The following HHLA1 variants were observed in gnomAD, a reference collection of about 807,000 sequenced individuals.
HHLA1 encodes HERV-H LTR-associating protein 1.
In HHLA1, 72 loss-of-function variants were observed where a neutral mutation model predicts 69.9. That is an observed-to-expected ratio of 1.03 (90% CI 0.85 to 1.25). HHLA1 has a LOEUF of 1.25. Among genes scored for constraint, HHLA1 ranks in the 50% most tolerant of loss-of-function variants. The probability of loss-of-function intolerance (pLI) is 0.00; values close to 1 mark genes in which losing one functional copy is unlikely to be tolerated. For missense variants in HHLA1, 685 were observed against 642.2 expected (o/e 1.07, Z -0.72); for synonymous variants, 252 against 233.2 (o/e 1.08, Z -0.73).
chr8:132,092,326 G>C (rs1398616949), intron 7 of HHLA1, among the ~76,000 whole-genome samples: 1 of 152,212 alleles, frequency 6.6e-6, no homozygotes, highest in East Asian at 1.9e-4. Flanking sequence ...GGATGTAAGA[G>C]GGAGAAATGT....
At chr8:132,097,884 T>A (rs1360960990) in intron 5 of HHLA1, among the ~76,000 whole-genome samples, 5 of 152,164 alleles carry the variant, frequency 3.3e-5, no homozygotes, top group Non-Finnish European at 5.9e-5. Flanking sequence ...AGTTGTGCAG[T>A]GTGTGTATTG....
In HHLA1 at chr8:132,071,393, GA is replaced by G. The variant is rs1823539762; in HGVS notation, c.1415del (p.Phe472SerfsTer8). 1 of 1,551,598 alleles carries G rather than the reference GA, an allele frequency of 6.4e-7. No individual in the cohort carries two copies. Among genetic ancestry groups the G allele is most frequent in the East Asian group, 2.4e-5 (1 of 40,938 alleles). On this transcript the variant is annotated frameshift_variant, in exon 15 of 17. Coordinates refer to ENST00000414222, the MANE Select transcript of HHLA1 (RefSeq NM_001145095.3). LOFTEE classifies it high-confidence loss of function. ...GGCTCATGCAGAGGCATTGCTGGAAGAATTGGCACAGCTCCATCAGGCATGG... is the reference window on the plus strand; with the variant it reads ...GGCTCATGCAGAGGCATTGCTGGAAGATTGGCACAGCTCCATCAGGCATGG... ...LNPCLMELCQ[F>X]FQQCLCMSQR...
chr8:132,073,108 T>A (rs1158691449), intron 14 of HHLA1, among the ~76,000 whole-genome samples: 1 of 152,172 alleles, frequency 6.6e-6, no homozygotes. Context: ...GTTTGAACAT[T>A]TTTCAAAATT....
chr8:132,095,756 A>C lies in HHLA1; in HGVS notation c.311T>G (p.Val104Gly). 1.9e-6 allele frequency: 3 copies of C among 1,551,312 alleles called. No homozygotes were observed. The highest frequency in any genetic ancestry group is 2.6e-6 in the Non-Finnish European group (3 of 1,146,802). ...DSKKFFSLLS[V>G]TSYSSFAFHK... ...GAAGGCGAAGGAACTGTAGGAAGTGACACTCAGCAAGGAGAAGAACTTCTT... is the reference window on the plus strand; with the variant it reads ...GAAGGCGAAGGAACTGTAGGAAGTGCCACTCAGCAAGGAGAAGAACTTCTT... The change falls in exon 6 of 17, where the codon GTC becomes GGC. Residue 104 changes from valine (V) to glycine (G), a missense_variant. Coordinates refer to ENST00000414222, the MANE Select transcript of HHLA1 (RefSeq NM_001145095.3).
intron 1 of HHLA1, among the ~76,000 whole-genome samples, chr8:132,110,233 G>A (rs868566737): frequency 1.3e-5 from 2 of 152,166 alleles, no homozygotes; most frequent in South Asian, 4.1e-4. Context: ...CACAGTGAGT[G>A]ACACATGTTC....
rs1823393598 is a variant in HHLA1 at position 132,063,958 on chromosome 8, G to C, written c.*37C>G. On this transcript the variant is annotated 3_prime_UTR_variant, in exon 17 of 17. Coordinates refer to ENST00000414222, the MANE Select transcript of HHLA1 (RefSeq NM_001145095.3). ...AGCCAGGGTGGATGGCGTATCCCCT[G>C]AAGTAATTGTTATGCCCTAGTGTTA... The C allele has an allele frequency of 8.2e-7, 1 of 1,224,724 alleles. No homozygotes were observed. The highest frequency in any genetic ancestry group is 1.6e-5 in the African/African-American group (1 of 64,366). 75.9% of individuals were successfully genotyped at this position (1,224,724 alleles called of 1,614,324 possible).
rs1049422814 is a variant in HHLA1, at chr8:132,098,829, A to T, written c.280+53T>A. The stretch of plus-strand genomic sequence containing the variant: ...GGCAACAGAAAGGTTCAGAAAAGAC[A>T]CTGGTACAAGAAAAAAAAATGGACC... On this transcript the variant is annotated intron_variant, in intron 5 of 16. Transcript: ENST00000414222. 2.2e-5 allele frequency: 25 copies of T among 1,151,930 alleles called. No individual in the cohort carries two copies. The Admixed American group carries it at 5.3e-4, about 24-fold the overall frequency. The allele number at this position is 1,151,930 out of a possible 1,614,324, so 71.4% of individuals were successfully genotyped here.
In HHLA1 at chr8:132,079,967, C is replaced by T; in HGVS notation, c.677-1G>A. 1 of 1,552,222 alleles carries T rather than the reference C, an allele frequency of 6.4e-7. No individual in the cohort carries two copies. Among genetic ancestry groups the T allele is most frequent in the Non-Finnish European group, 8.7e-7 (1 of 1,147,122 alleles). On this transcript the variant is annotated splice_acceptor_variant, in intron 10 of 16. Coordinates refer to ENST00000414222, the MANE Select transcript of HHLA1 (RefSeq NM_001145095.3). LOFTEE classifies it high-confidence loss of function. ...CTGGCAGTTCCCCTGGTAGCTGCAC[C>T]TTCAGGGAGGCAGTCAATGGTAACA...
intron 1 of HHLA1, among the ~76,000 whole-genome samples, chr8:132,109,721 C>T (rs892368746): frequency 3.3e-5 from 5 of 152,214 alleles, no homozygotes; most frequent in Admixed American, 6.5e-5. Context: ...ACCATGGTCT[C>T]TCAGATACTA....
At chr8:132,083,671 G>A (rs1467768062) in intron 10 of HHLA1, among the ~76,000 whole-genome samples, 1 of 152,192 alleles carries the variant, frequency 6.6e-6, no homozygotes, top group Non-Finnish European at 1.5e-5. Context: ...GGCATTCCTT[G>A]GCCCAGTGGC....
rs1823390329 is a variant in HHLA1, at chr8:132,063,712, G to A, written c.*283C>T. 1.7e-5 allele frequency: 3 copies of A among 177,804 alleles called. No individual in the cohort carries two copies. The allele number at this position is 177,804 out of a possible 1,614,324, so 11.0% of individuals were successfully genotyped here. On this transcript the variant is annotated 3_prime_UTR_variant, in exon 17 of 17. Transcript: ENST00000414222. Reference sequence around the variant, plus strand: ...CTCAAGCATTGTAGGAGTTTCTTGAGCATGAACACTAGATTTCCATGATTT... The same window carrying A: ...CTCAAGCATTGTAGGAGTTTCTTGAACATGAACACTAGATTTCCATGATTT...
Position 132,070,004 on chromosome 8 carries a change from G to A in HHLA1, c.1469+1336C>T, listed in dbSNP as rs550370222. 3.9e-3 allele frequency: 279 copies of A among 72,112 alleles called. 2 individuals are homozygous for A. Among genetic ancestry groups the A allele is most frequent in the Non-Finnish European group, 7.5e-3 (208 of 27,744 alleles). 4.5% of individuals were successfully genotyped at this position (72,112 alleles called of 1,614,324 possible). A position where few individuals can be genotyped will look rare whatever the true frequency, so the allele number is the denominator to read the frequency against. ...CCCTCTATGAATGGAGGAAATGTTC[G>A]TACTGACGGGGGGGGGGGGGAGGGG... On this transcript the variant is annotated intron_variant, in intron 15 of 16. Transcript: ENST00000414222.
intron 11 of HHLA1, among the ~76,000 whole-genome samples, chr8:132,078,555 G>C (rs2130882670): frequency 6.6e-6 from 1 of 152,274 alleles, no homozygotes; most frequent in South Asian, 2.1e-4. Context: ...AGTCATCCTT[G>C]TTTCCTTGCC....
intron 11 of HHLA1, 80 bp downstream of exon 11, chr8:132,079,638 A>T (rs1013756239): frequency 7.1e-7 from 1 of 1,411,334 alleles, no homozygotes; most frequent in Non-Finnish European, 9.4e-7. Flanking sequence ...TAAGGTAAGG[A>T]TTTTGCTTAT....
intron 2 of HHLA1, among the ~76,000 whole-genome samples, chr8:132,104,534 CT>C (rs1824172434): frequency 6.6e-6 from 1 of 152,074 alleles, no homozygotes. Context: ...TTGAGCTGAG[CT>C]CTGAAGAATG....
intron 3 of HHLA1, among the ~76,000 whole-genome samples, chr8:132,101,824 G>A (rs943770447): frequency 5.3e-5 from 8 of 152,050 alleles, no homozygotes; most frequent in Admixed American, 2.0e-4. Flanking sequence ...TGCCTGCCTC[G>A]GCTTCCCAAA....
rs1290996063 is a variant in HHLA1, at chr8:132,062,810, A to G, written c.*1185T>C. ...TGAGCTCAAATCCTGCACCTTTCAG[A>G]GGAACATCTGGTCCTTGACCAGCTC... On this transcript the variant is annotated 3_prime_UTR_variant, in exon 17 of 17. Coordinates refer to ENST00000414222, the MANE Select transcript of HHLA1 (RefSeq NM_001145095.3). The G allele has an allele frequency of 7.2e-5, 11 of 152,258 alleles. No homozygotes were observed. The highest frequency in any genetic ancestry group is 7.2e-4 in the Admixed American group (11 of 15,290). 9.4% of individuals were successfully genotyped at this position (152,258 alleles called of 1,614,324 possible). A position where few individuals can be genotyped will look rare whatever the true frequency, so the allele number is the denominator to read the frequency against.
rs1190012558 is a variant in HHLA1, at chr8:132,061,744, C to T, written c.*2251G>A. The T allele has an allele frequency of 6.6e-5, 10 of 152,158 alleles. No individual in the cohort carries two copies. The highest frequency in any genetic ancestry group is 6.5e-4 in the Admixed American group (10 of 15,284). The allele number at this position is 152,158 out of a possible 1,614,324, so 9.4% of individuals were successfully genotyped here. Reference sequence around the variant, plus strand: ...TATGAACTCCAGGAGACCAGTTGGACTCCAGGCAGTCGTCAGCCACTCCTG... The same window carrying T: ...TATGAACTCCAGGAGACCAGTTGGATTCCAGGCAGTCGTCAGCCACTCCTG... On this transcript the variant is annotated 3_prime_UTR_variant, in exon 17 of 17. Coordinates refer to ENST00000414222, the MANE Select transcript of HHLA1 (RefSeq NM_001145095.3).
At chr8:132,065,504 G>C (rs562128521) in intron 16 of HHLA1, among the ~76,000 whole-genome samples, 1 of 152,134 alleles carries the variant, frequency 6.6e-6, no homozygotes, top group Non-Finnish European at 1.5e-5. Context: ...GGATGGTCTC[G>C]ATCTCCTGAC....
Sources: gnomAD v4.1 joint callset for allele counts (sites outside exome capture counted in the v4.1 genomes callset) on GRCh38, gnomAD v4.1.1 for gene constraint, MANE v1.5 for transcripts, NCBI Gene and HGNC (gene_info 2026-07-23, HGNC 2026-07-21) for gene names.